The following FAM221A variants were observed in gnomAD, a reference collection of about 807,000 sequenced individuals.
FAM221A encodes family with sequence similarity 221 member A, also known as protein FAM221A.
Under a neutral mutation model 37.6 loss-of-function variants are expected in FAM221A, and 43 were observed. The observed-to-expected ratio is 1.15, with a 90% CI of 0.90 to 1.48. The LOEUF is 1.48. Ranked by LOEUF, FAM221A falls within the 40% of genes most tolerant of loss-of-function variation. The pLI is 0.00. For missense variants in FAM221A, 361 were observed against 361.5 expected (o/e 1.00, Z 0.01); for synonymous variants, 135 against 132.9 (o/e 1.02, Z -0.11).
At chr7:23,686,772 C>T (rs949694187) in intron 2 of FAM221A, 10 of 148,938 alleles carry the variant, frequency 6.7e-5, no homozygotes, top group Non-Finnish European at 1.5e-5. Flanking sequence ...TTTTTTTTTA[C>T]AATATCTGTA....
chr7:23,687,394 C>G (rs1177238935), intron 2 of FAM221A: 2 of 152,144 alleles, frequency 1.3e-5, no homozygotes, highest in Non-Finnish European at 2.9e-5. Context: ...AAGGGTTTCA[C>G]TGCTAAAATG....
At chr7:23,685,852 C>T (rs1024459038) in intron 2 of FAM221A, among the ~76,000 whole-genome samples, 3 of 152,168 alleles carry the variant, frequency 2.0e-5, no homozygotes, top group African/African-American at 7.2e-5. Context: ...TTCAGAATAC[C>T]TAAGCTGCTT....
chr7:23,692,293 A>AT (rs1784798760), intron 4 of FAM221A: 2 of 651,918 alleles, frequency 3.1e-6, no homozygotes, highest in Non-Finnish European at 3.8e-6. Flanking sequence ...ACAAGCATGT[A>AT]TTTTTTCATT....
chr7:23,691,346 C>CAT, intron 3 of FAM221A, 44 bp from the exon 4 acceptor site: 1 of 1,590,732 alleles, frequency 6.3e-7, no homozygotes, highest in East Asian at 2.2e-5. Flanking sequence ...GGGTAGACAA[C>CAT]ATAGTACCTT....
At chr7:23,698,576 G>C (rs1252546410) in intron 5 of FAM221A, among the ~76,000 whole-genome samples, 2 of 152,104 alleles carry the variant, frequency 1.3e-5, no homozygotes, top group Non-Finnish European at 2.9e-5. Context: ...CTGTTGCTCT[G>C]GTGTTTGAAT....
chr7:23,697,491 C>A (rs1265582601), intron 4 of FAM221A, among the ~76,000 whole-genome samples: 1 of 152,098 alleles, frequency 6.6e-6, no homozygotes, highest in African/African-American at 2.4e-5. Context: ...GAAGAGGGTG[C>A]TTTCTTCTTT....
chr7:23,702,361 G>A lies in FAM221A; in HGVS notation c.*197G>A. 2.8e-6 allele frequency: 1 copy of A among 355,210 alleles called. No individual in the cohort carries two copies. 22.0% of individuals were successfully genotyped at this position (355,210 alleles called of 1,614,324 possible). A position where few individuals can be genotyped will look rare whatever the true frequency, so the allele number is the denominator to read the frequency against. ...GTCAAAACTCATAATTTACTACTTTGTATGTACCTTTCTTTCTCCTGACAA... is the reference window on the plus strand; with the variant it reads ...GTCAAAACTCATAATTTACTACTTTATATGTACCTTTCTTTCTCCTGACAA... On this transcript the variant is annotated 3_prime_UTR_variant, in exon 7 of 7. Coordinates refer to ENST00000344962, the MANE Select transcript of FAM221A (RefSeq NM_199136.5).
At chr7:23,697,724 T>G (rs1160344503) in intron 4 of FAM221A, among the ~76,000 whole-genome samples, 2 of 152,160 alleles carry the variant, frequency 1.3e-5, no homozygotes, top group Non-Finnish European at 2.9e-5. Flanking sequence ...AGAATACTTT[T>G]ACCCATTTGC....
At position 23,690,199 on chromosome 7, in the gene FAM221A, A is replaced by ATTTTTT. The variant is rs398004023; in HGVS notation, c.430+749_430+754dup. 2.7e-3 allele frequency among the ~76,000 whole-genome samples: 131 copies of ATTTTTT among 48,726 alleles called. 1 individual carries two copies. The highest frequency in any genetic ancestry group is 0.016 in the Middle Eastern group (1 of 62). 32.0% of individuals were successfully genotyped at this position (48,726 alleles called of 152,430 possible). On this transcript the variant is annotated intron_variant, in intron 3 of 6. Transcript: ENST00000344962. The stretch of plus-strand genomic sequence containing the variant: ...TATATATATATATATATATATATAT[A>ATTTTTT]TTTTTTTTTTTTTTAATAGAGTTTT...
rs542069729 is a variant in FAM221A, at chr7:23,698,353, G to A, written c.745+54G>A. On this transcript the variant is annotated intron_variant, in intron 5 of 6. Coordinates refer to ENST00000344962, the MANE Select transcript of FAM221A (RefSeq NM_199136.5). ...TGGATGTAGTAAATTGGAATATGGA[G>A]CTTTGATTTGTTTTCTAGGCATCTC... The A allele has an allele frequency of 1.9e-5, 17 of 918,476 alleles. No homozygotes were observed. The East Asian group carries it at 2.2e-4, about 12-fold the overall frequency. The allele number at this position is 918,476 out of a possible 1,614,324, so 56.9% of individuals were successfully genotyped here.
At position 23,698,313 on chromosome 7, in the gene FAM221A, G is replaced by A. The variant is rs780503321; in HGVS notation, c.745+14G>A. Reference sequence around the variant, plus strand: ...CGTTAACAGATGGTAATGAAATGAAGTTTAGAACTGTTTTTGGATGTAGTA... The same window carrying A: ...CGTTAACAGATGGTAATGAAATGAAATTTAGAACTGTTTTTGGATGTAGTA... On this transcript the variant is annotated intron_variant, in intron 5 of 6. Coordinates refer to ENST00000344962, the MANE Select transcript of FAM221A (RefSeq NM_199136.5). 3 of 1,372,026 alleles carry A rather than the reference G, an allele frequency of 2.2e-6. No individual in the cohort carries two copies. The highest frequency in any genetic ancestry group is 2.9e-5 in the African/African-American group (2 of 67,996). The allele number at this position is 1,372,026 out of a possible 1,614,324, so 85.0% of individuals were successfully genotyped here.
intron 1 of FAM221A, among the ~76,000 whole-genome samples, chr7:23,683,232 A>C (rs530262691): frequency 6.6e-6 from 1 of 152,186 alleles, no homozygotes; most frequent in Non-Finnish European, 1.5e-5. Flanking sequence ...CTTTTCCTCC[A>C]GGGAGGCCAA....
rs79073846 is a variant in FAM221A at position 23,681,405 on chromosome 7, T to C, written c.65+1122T>C. On this transcript the variant is annotated intron_variant, in intron 1 of 6. Coordinates refer to ENST00000344962, the MANE Select transcript of FAM221A (RefSeq NM_199136.5). ...GCAGACCTATGTATGTAGTTATTTA[T>C]TTTATTGAGAAATTATTTAGTTATT... Among the ~76,000 whole-genome samples the C allele has an allele frequency of 1.9e-3, 296 of 152,326 alleles. 4 individuals carry two copies. The East Asian group carries it at 0.043, about 22-fold the overall frequency.
rs188288140 is a variant in FAM221A, at chr7:23,695,599, C to T, written c.638-2593C>T. On this transcript the variant is annotated intron_variant, in intron 4 of 6. Transcript: ENST00000344962. The stretch of plus-strand genomic sequence containing the variant: ...TGTTGGCCAGGCTGGTCTTGAACTC[C>T]TGACCTCAGGTGATCTGCCCGCCTC... Among the ~76,000 whole-genome samples, 379 of 152,310 alleles carry T rather than the reference C, an allele frequency of 2.5e-3. 2 individuals carry two copies. The highest frequency in any genetic ancestry group is 8.9e-3 in the African/African-American group (370 of 41,560).
intron 2 of FAM221A, chr7:23,688,783 T>C (rs1317054329): frequency 6.6e-6 from 1 of 152,602 alleles, no homozygotes; most frequent in Non-Finnish European, 1.5e-5. Context: ...GTTACAGGCA[T>C]GTGCCACAAC....
chr7:23,688,121 T>A (rs1204399839), intron 2 of FAM221A: 1 of 151,952 alleles, frequency 6.6e-6, no homozygotes, highest in Non-Finnish European at 1.5e-5. Flanking sequence ...CTCGGCTCAC[T>A]GCAAGCTCCG....
intron 2 of FAM221A, chr7:23,686,186 T>C: frequency 3.2e-6 from 1 of 316,466 alleles, no homozygotes. Flanking sequence ...TAATTTATTC[T>C]TACACAAATT....
In FAM221A at chr7:23,698,305, G is replaced by A. The variant is rs1249062888; in HGVS notation, c.745+6G>A. 2 of 1,474,082 alleles carry A rather than the reference G, an allele frequency of 1.4e-6. No individual in the cohort carries two copies. Among genetic ancestry groups the A allele is most frequent in the Non-Finnish European group, 1.9e-6 (2 of 1,068,072 alleles). 91.3% of individuals were successfully genotyped at this position (1,474,082 alleles called of 1,614,324 possible). A position where few individuals can be genotyped will look rare whatever the true frequency, so the allele number is the denominator to read the frequency against. On this transcript the variant is annotated splice_donor_region_variant and intron_variant, in intron 5 of 6. Coordinates refer to ENST00000344962, the MANE Select transcript of FAM221A (RefSeq NM_199136.5). Reference sequence around the variant, plus strand: ...TCCAGAAACGTTAACAGATGGTAATGAAATGAAGTTTAGAACTGTTTTTGG... The same window carrying A: ...TCCAGAAACGTTAACAGATGGTAATAAAATGAAGTTTAGAACTGTTTTTGG...
intron 1 of FAM221A, among the ~76,000 whole-genome samples, chr7:23,680,509 G>A (rs1264863944): frequency 6.6e-6 from 1 of 152,156 alleles, no homozygotes; most frequent in East Asian, 1.9e-4. Context: ...CATTTAAGAG[G>A]CCCCTCTGCT....
Sources: gnomAD v4.1 joint callset for allele counts (sites outside exome capture counted in the v4.1 genomes callset) on GRCh38, gnomAD v4.1.1 for gene constraint, MANE v1.5 for transcripts, NCBI Gene and HGNC (gene_info 2026-07-23, HGNC 2026-07-21) for gene names.